The following NFATC3 variants were observed in gnomAD, a reference collection of about 807,000 sequenced individuals.
NFATC3 encodes the protein nuclear factor of activated T-cells, cytoplasmic 3.
In NFATC3, 46 loss-of-function variants were observed where a neutral mutation model predicts 98.6. That is an observed-to-expected ratio of 0.47 (90% confidence interval 0.37 to 0.60). The LOEUF is 0.60. NFATC3 is among the 20% of genes least tolerant of loss of function. NFATC3 has a pLI of 0.00. For synonymous variants in NFATC3, 512 were observed against 472.2 expected (o/e 1.08, Z -1.09); for missense variants, 1,256 against 1,295.5 (o/e 0.97, Z 0.47).
chr16:68,204,646 T>C (rs2041066087), intron 9 of NFATC3, among the ~76,000 whole-genome samples: 1 of 152,256 alleles, frequency 6.6e-6, no homozygotes, highest in Non-Finnish European at 1.5e-5. Flanking sequence ...ATAGCTATAA[T>C]TGATTACTTA....
In NFATC3 at chr16:68,190,879, A is replaced by G. The variant is rs113767839; in HGVS notation, c.2210A>G (p.His737Arg). ...CCTTCCTCTGATTCAGGGTGTTCACATGACAGTGTACTGTCAGGACAGAGA... is the reference window on the plus strand; with the variant it reads ...CCTTCCTCTGATTCAGGGTGTTCACGTGACAGTGTACTGTCAGGACAGAGA... ...QRPSSDSGCS[H>R]DSVLSGQRSL... The change falls in exon 9 of 10, where the codon CAT becomes CGT. Residue 737 changes from histidine to arginine, a missense_variant. Around this residue, in one of 3 missense-constraint regions of NFATC3, gnomAD observed 636 missense variants for 617.3 expected, o/e 1.03. Coordinates refer to ENST00000346183, the MANE Select transcript of NFATC3 (RefSeq NM_173165.3). 7 of 1,614,210 alleles carry G rather than the reference A, an allele frequency of 4.3e-6. No individual in the cohort carries two copies. The highest frequency in any genetic ancestry group is 1.1e-5 in the South Asian group (1 of 91,082).
intron 9 of NFATC3, among the ~76,000 whole-genome samples, chr16:68,193,675 A>C (rs2040539458): frequency 6.6e-6 from 1 of 152,174 alleles, no homozygotes; most frequent in Non-Finnish European, 1.5e-5. Context: ...CTGTCTCTAA[A>C]AAAAATTAAA....
At chr16:68,121,120 C>G (rs1212107647) in intron 1 of NFATC3, among the ~76,000 whole-genome samples, 1 of 151,652 alleles carries the variant, frequency 6.6e-6, no homozygotes, top group Non-Finnish European at 1.5e-5. Context: ...ATCCCAAGCA[C>G]TTCTGGCCTC....
Position 68,221,215 on chromosome 16 carries a change from T to C in NFATC3, c.3107-5135T>C, listed in dbSNP as rs781045538. On this transcript the variant is annotated intron_variant, in intron 9 of 9. Transcript: ENST00000346183. ...TCATAGATTTGTTTACCAGTAATAA[T>C]TTTGACTTGCTTCAGTTGAGACCTA... is the stretch of plus-strand genomic sequence containing the variant. 18 of 1,614,024 alleles carry C rather than the reference T, an allele frequency of 1.1e-5. No individual in the cohort carries two copies. The Admixed American group carries it at 2.5e-4, about 22-fold the overall frequency.
intron 3 of NFATC3, among the ~76,000 whole-genome samples, chr16:68,140,634 CA>C (rs1567517352): frequency 6.6e-6 from 1 of 150,692 alleles, no homozygotes; most frequent in Non-Finnish European, 1.5e-5. Context: ...AAAATTAATA[CA>C]AAATGATCAT....
chr16:68,099,709 T>C (rs1221568888), intron 1 of NFATC3, among the ~76,000 whole-genome samples: 1 of 152,072 alleles, frequency 6.6e-6, no homozygotes, highest in Non-Finnish European at 1.5e-5. Flanking sequence ...CAACCCAGTC[T>C]CAAATTCCTG....
chr16:68,159,404 CT>C lies in NFATC3; in HGVS notation c.1601+1352del, dbSNP rs577760579. ...CAAACTACACTATAGACCTTTCTTT[CT>C]TTTTTTTTTTTTTTTATATTTTTAT... On this transcript the variant is annotated intron_variant, in intron 4 of 9. Transcript: ENST00000346183. 5.6e-3 allele frequency among the ~76,000 whole-genome samples: 740 copies of C among 133,250 alleles called. 6 individuals carry two copies. Among genetic ancestry groups the C allele is most frequent in the South Asian group, 0.01 (42 of 4,012 alleles). The allele number at this position is 133,250 out of a possible 152,430, so 87.4% of individuals were successfully genotyped here.
chr16:68,101,522 T>C (rs1249916447), intron 1 of NFATC3, among the ~76,000 whole-genome samples: 5 of 151,648 alleles, frequency 3.3e-5, no homozygotes, highest in Non-Finnish European at 5.9e-5. Context: ...CTCGCTCTGT[T>C]GCCCAGGCTG....
chr16:68,219,559 A>C (rs991565251), intron 9 of NFATC3, among the ~76,000 whole-genome samples: 1 of 151,976 alleles, frequency 6.6e-6, no homozygotes, highest in Admixed American at 6.6e-5. Context: ...AGACTAAGAC[A>C]CTGTCTCCTA....
chr16:68,121,824 C>T (rs186839961), intron 1 of NFATC3, among the ~76,000 whole-genome samples, 163 bp from the exon 2 acceptor site: 1 of 152,088 alleles, frequency 6.6e-6, no homozygotes, highest in East Asian at 1.9e-4. Context: ...TGAAAAAACA[C>T]ACACATGCCA....
intron 3 of NFATC3, among the ~76,000 whole-genome samples, chr16:68,144,029 T>G (rs1301409027): frequency 6.6e-6 from 1 of 152,008 alleles, no homozygotes. Flanking sequence ...AAACTTTAGC[T>G]CCGTGAAAGA....
intron 9 of NFATC3, among the ~76,000 whole-genome samples, chr16:68,195,028 G>A (rs2151121461): frequency 6.6e-6 from 1 of 151,980 alleles, no homozygotes; most frequent in East Asian, 1.9e-4. Context: ...TGAGGTGGGT[G>A]GATCACCTAA....
intron 9 of NFATC3, among the ~76,000 whole-genome samples, chr16:68,221,862 A>G (rs1035563972): frequency 4.6e-5 from 7 of 152,196 alleles, no homozygotes; most frequent in Admixed American, 4.6e-4. Context: ...CATTATAATC[A>G]ATACCACATA....
In NFATC3 at chr16:68,134,024, C is replaced by T. The variant is rs376328888; in HGVS notation, c.1401+7414C>T. ...CCATATATAAAAGTTCTTATTCCTC[C>T]ACATTGTCACCAAGTGTTACACTTG... On this transcript the variant is annotated intron_variant, in intron 3 of 9. Transcript: ENST00000346183. Among the ~76,000 whole-genome samples the T allele has an allele frequency of 7.9e-5, 12 of 152,106 alleles. No homozygotes were observed. The East Asian group carries it at 9.6e-4, about 12-fold the overall frequency.
At chr16:68,181,879 A>G (rs992086099) in intron 7 of NFATC3, among the ~76,000 whole-genome samples, 1 of 152,190 alleles carries the variant, frequency 6.6e-6, no homozygotes, top group Non-Finnish European at 1.5e-5. Flanking sequence ...GTGAGCCATG[A>G]TCATGCCACT....
At chr16:68,166,796 C>A (rs1382771877) in intron 4 of NFATC3, 47 bp from the exon 5 acceptor site, 13 of 1,439,732 alleles carry the variant, frequency 9.0e-6, no homozygotes, top group African/African-American at 1.4e-5. Flanking sequence ...TTGTTTATAA[C>A]CATGATTATC....
At chr16:68,191,898 T>C (rs1230142907) in intron 9 of NFATC3, 123 bp downstream of exon 9, 3 of 1,032,178 alleles carry the variant, frequency 2.9e-6, no homozygotes. Context: ...AAATAAGTTG[T>C]TATTAGAAAT....
At chr16:68,095,809 A>G (rs946816928) in intron 1 of NFATC3, among the ~76,000 whole-genome samples, 1 of 152,180 alleles carries the variant, frequency 6.6e-6, no homozygotes, top group African/African-American at 2.4e-5. Context: ...TCCTGGATTA[A>G]TAACAGTGGG....
chr16:68,199,172 C>T lies in NFATC3; in HGVS notation c.3106+7397C>T, dbSNP rs777874896. Among the ~76,000 whole-genome samples, 39 of 152,042 alleles carry T rather than the reference C, an allele frequency of 2.6e-4. 1 individual carries two copies. Among genetic ancestry groups the T allele is most frequent in the African/African-American group, 3.1e-4 (13 of 41,518 alleles). ...CGGAGGTTACAGTGAGCTGAGATTG[C>T]GCCACTGCACTGCAGCGTGGGCAAC... On this transcript the variant is annotated intron_variant, in intron 9 of 9. Coordinates refer to ENST00000346183, the MANE Select transcript of NFATC3 (RefSeq NM_173165.3).
Sources: allele counts gnomAD v4.1 joint callset (sites outside exome capture counted in the v4.1 genomes callset), GRCh38; gene constraint gnomAD v4.1.1; regional missense constraint gnomAD v4.1.1; transcripts MANE v1.5; gene names NCBI Gene and HGNC (gene_info 2026-07-23, HGNC 2026-07-21).